CPLX1: variants seen among roughly 807,000 people sequenced by gnomAD.
CPLX1 encodes the protein complexin 1.
A neutral mutation model predicts 15.6 loss-of-function variants in CPLX1; 6 were observed. That is an observed-to-expected ratio of 0.39 (90% CI 0.21 to 0.76). The LOEUF (loss-of-function observed/expected upper bound fraction) is 0.76. Among genes scored for constraint, CPLX1 ranks in the 30% least tolerant of loss-of-function variants. The probability of loss-of-function intolerance (pLI) is 0.43; values close to 1 mark genes in which losing one functional copy is unlikely to be tolerated. For synonymous variants in CPLX1, 91 were observed against 75.2 expected (o/e 1.21, Z -1.08); for missense variants, 242 against 188.6 (o/e 1.28, Z -1.66).
At chr4:816,364 G>A (rs956808576) in intron 2 of CPLX1, among the ~76,000 whole-genome samples, 9 of 151,470 alleles carry the variant, frequency 5.9e-5, no homozygotes, top group African/African-American at 1.7e-4. Flanking sequence ...GATTACAGGC[G>A]CCCACCACCA....
intron 3 of CPLX1, chr4:788,648 G>A (rs1029163081): frequency 4.4e-5 from 42 of 946,706 alleles, no homozygotes; most frequent in East Asian, 1.2e-4. Flanking sequence ...CATCCACAGC[G>A]GGAAGGGCAG....
intron 2 of CPLX1, among the ~76,000 whole-genome samples, chr4:821,111 A>C (rs1746854166): frequency 6.6e-6 from 1 of 151,738 alleles, no homozygotes; most frequent in Non-Finnish European, 1.5e-5. Context: ...ACAGCGTACC[A>C]CTCTCCGGGG....
intron 3 of CPLX1, 43 bp downstream of exon 3, chr4:792,390 C>T (rs1377247263): frequency 6.7e-7 from 1 of 1,481,930 alleles, no homozygotes. Flanking sequence ...CCCCGCTGGA[C>T]TCAGGGCCGC....
At chr4:787,269 C>CTGG in intron 3 of CPLX1, 1 of 985,348 alleles carries the variant, frequency 1.0e-6, no homozygotes, top group Non-Finnish European at 1.2e-6. Context: ...CTTCCAGGCA[C>CTGG]TGGGTGTCCT....
intron 2 of CPLX1, among the ~76,000 whole-genome samples, chr4:810,853 C>T (rs1413503836): frequency 6.6e-6 from 1 of 152,008 alleles, no homozygotes; most frequent in South Asian, 2.1e-4. Context: ...CCCGCCACCA[C>T]ACCTGGCTAA....
chr4:792,432 C>G lies in CPLX1; in HGVS notation c.207+1G>C. ...GCAGGCGGGGCCGGCCCGGCGCGCACCTTGTCTCGGATGCCCTGGCGCACG... is the reference window on the plus strand; with the variant it reads ...GCAGGCGGGGCCGGCCCGGCGCGCAGCTTGTCTCGGATGCCCTGGCGCACG... On this transcript the variant is annotated splice_donor_variant, in intron 3 of 3. Transcript: ENST00000304062. LOFTEE classifies it high-confidence loss of function. 1.3e-6 allele frequency: 2 copies of G among 1,570,166 alleles called. No homozygotes were observed. The highest frequency in any genetic ancestry group is 1.7e-6 in the Non-Finnish European group (2 of 1,159,670).
chr4:801,408 G>A (rs547886136), intron 2 of CPLX1, among the ~76,000 whole-genome samples: 4 of 152,292 alleles, frequency 2.6e-5, no homozygotes, highest in African/African-American at 9.6e-5. Flanking sequence ...GATTTTTAAA[G>A]TGGACAAAAG....
chr4:810,657 G>C (rs1415757749), intron 2 of CPLX1, among the ~76,000 whole-genome samples: 1 of 151,710 alleles, frequency 6.6e-6, no homozygotes, highest in East Asian at 1.9e-4. Flanking sequence ...TTCTTTGGGG[G>C]AATATCTATT....
Position 803,132 on chromosome 4 carries a change from C to A in CPLX1, c.32-10524G>T, listed in dbSNP as rs375340142. Among the ~76,000 whole-genome samples the A allele has an allele frequency of 5.9e-5, 9 of 152,228 alleles. No homozygotes were observed. The South Asian group carries it at 1.4e-3, about 25-fold the overall frequency. Reference sequence around the variant, plus strand: ...TTTAAAAGAAACAAAACAAAATAATCCCAAATAAGACAGGAAGAGATAATT... The same window carrying A: ...TTTAAAAGAAACAAAACAAAATAATACCAAATAAGACAGGAAGAGATAATT... On this transcript the variant is annotated intron_variant, in intron 2 of 3. Transcript: ENST00000304062.
chr4:820,789 ACCC>A lies in CPLX1; in HGVS notation c.31+3700_31+3702del, dbSNP rs1317002706. Among the ~76,000 whole-genome samples, 5 of 150,306 alleles carry A rather than the reference ACCC, an allele frequency of 3.3e-5. 1 individual carries two copies. The East Asian group carries it at 1.0e-3, about 30-fold the overall frequency. ...GACACCCCTCACCAGCCTCACGTGA[ACCC>A]CCAAGGTGGACACCCCTCACCAGCC... On this transcript the variant is annotated intron_variant, in intron 2 of 3. Transcript: ENST00000304062.
intron 2 of CPLX1, among the ~76,000 whole-genome samples, chr4:799,949 C>T (rs1484632096): frequency 2.6e-5 from 4 of 152,160 alleles, no homozygotes; most frequent in Admixed American, 2.6e-4. Flanking sequence ...GAATTAAACC[C>T]AAGAGGGGTC....
chr4:790,171 G>A (rs1413026220), intron 3 of CPLX1, among the ~76,000 whole-genome samples: 4 of 152,226 alleles, frequency 2.6e-5, no homozygotes, highest in South Asian at 2.1e-4. Context: ...GGGGTCCGGG[G>A]GGATCCACTT....
intron 2 of CPLX1, among the ~76,000 whole-genome samples, chr4:814,274 G>A (rs1198081425): frequency 1.3e-5 from 2 of 151,934 alleles, no homozygotes; most frequent in African/African-American, 2.4e-5. Context: ...GTGCAGTAGC[G>A]CAATCTCAGC....
At chr4:808,951 AC>A (rs1746607351) in intron 2 of CPLX1, among the ~76,000 whole-genome samples, 1 of 152,282 alleles carries the variant, frequency 6.6e-6, no homozygotes, top group East Asian at 1.9e-4. Context: ...TGTGAAATTA[AC>A]ATAAGAGCAA....
At chr4:792,709 C>T (rs558257499) in intron 2 of CPLX1, 101 bp from the exon 3 acceptor site, 2 of 1,315,192 alleles carry the variant, frequency 1.5e-6, no homozygotes, top group East Asian at 5.0e-5. Context: ...CCCCCCAAAC[C>T]CTCCATCCAC....
At chr4:791,190 A>G (rs1195543856) in intron 3 of CPLX1, among the ~76,000 whole-genome samples, 1 of 79,946 alleles carries the variant, frequency 1.3e-5, no homozygotes, top group Non-Finnish European at 2.8e-5. Flanking sequence ...GGGGGCGGGG[A>G]GCGGGGGGCG....
intron 2 of CPLX1, among the ~76,000 whole-genome samples, chr4:823,586 C>G (rs1019187902): frequency 4.6e-5 from 7 of 152,242 alleles, no homozygotes; most frequent in African/African-American, 1.4e-4. Context: ...ACAGGTTCCC[C>G]TCACAGGAGT....
At chr4:811,147 A>G (rs1476399519) in intron 2 of CPLX1, among the ~76,000 whole-genome samples, 1 of 152,150 alleles carries the variant, frequency 6.6e-6, no homozygotes, top group African/African-American at 2.4e-5. Flanking sequence ...CAACAAGGGC[A>G]CACTGCCATG....
intron 2 of CPLX1, among the ~76,000 whole-genome samples, chr4:799,838 G>A (rs1192070169): frequency 6.6e-6 from 1 of 152,206 alleles, no homozygotes; most frequent in African/African-American, 2.4e-5. Flanking sequence ...ACTTTAGCCT[G>A]AGCGACAGAG....
Sources: allele counts gnomAD v4.1 joint callset (sites outside exome capture counted in the v4.1 genomes callset), GRCh38; gene constraint gnomAD v4.1.1; transcripts MANE v1.5; gene names NCBI Gene and HGNC (gene_info 2026-07-23, HGNC 2026-07-21).